The following EPHA5 variants were observed in gnomAD, a reference collection of about 807,000 sequenced individuals.
EPHA5 encodes the protein ephrin type-A receptor 5.
EPHA5 carries 60 observed loss-of-function variants against 105.0 expected under a neutral mutation model. That is an observed-to-expected ratio of 0.57 (90% CI 0.46 to 0.71). EPHA5 has a LOEUF of 0.71. Ranked by LOEUF, EPHA5 falls within the 30% of genes least tolerant of loss-of-function variation. EPHA5 has a pLI of 0.00. For synonymous variants in EPHA5, 513 were observed against 449.1 expected, an observed-to-expected ratio of 1.14 and a Z score of -1.80; for missense variants, 1,218 against 1,274.7, an observed-to-expected ratio of 0.96 and a Z score of 0.68.
intron 2 of EPHA5, among the ~76,000 whole-genome samples, chr4:65,633,924 T>C (rs1315183706): frequency 6.6e-6 from 1 of 152,080 alleles, no homozygotes; most frequent in African/African-American, 2.4e-5. Context: ...GACAAAGTGA[T>C]AAGTGTGGAT....
At chr4:65,615,542 C>G (rs546786685) in intron 2 of EPHA5, among the ~76,000 whole-genome samples, 3 of 151,934 alleles carry the variant, frequency 2.0e-5, no homozygotes, top group Non-Finnish European at 4.4e-5. Context: ...CTATATCTAG[C>G]AAACCTACCT....
intron 1 of EPHA5, among the ~76,000 whole-genome samples, chr4:65,668,159 C>T (rs1750115256): frequency 6.6e-6 from 1 of 152,132 alleles, no homozygotes; most frequent in African/African-American, 2.4e-5. Context: ...AGAGAAAGTT[C>T]ATGGGATGAG....
chr4:65,534,772 A>C (rs1578360992), intron 3 of EPHA5, among the ~76,000 whole-genome samples: 1 of 152,360 alleles, frequency 6.6e-6, no homozygotes, highest in Non-Finnish European at 1.5e-5. Context: ...CTTTGAGTTT[A>C]GATTATTCTA....
At chr4:65,489,483 T>G (rs1310315141) in intron 5 of EPHA5, among the ~76,000 whole-genome samples, 1 of 152,228 alleles carries the variant, frequency 6.6e-6, no homozygotes, top group Non-Finnish European at 1.5e-5. Context: ...CACTTTGGAC[T>G]GAGAGTTGTA....
chr4:65,349,460 C>G (rs553626584), intron 13 of EPHA5, among the ~76,000 whole-genome samples: 1 of 151,978 alleles, frequency 6.6e-6, no homozygotes, highest in East Asian at 1.9e-4. Context: ...AATATTTCAT[C>G]TATCATCAAA....
intron 5 of EPHA5, among the ~76,000 whole-genome samples, chr4:65,427,432 C>G (rs1326412671): frequency 6.6e-6 from 1 of 152,070 alleles, no homozygotes; most frequent in Non-Finnish European, 1.5e-5. Flanking sequence ...CCACCTACCT[C>G]GGCCACCCAA....
chr4:65,462,762 T>C (rs1255014386), intron 5 of EPHA5, among the ~76,000 whole-genome samples: 1 of 152,124 alleles, frequency 6.6e-6, no homozygotes, highest in Admixed American at 6.5e-5. Flanking sequence ...AACACTCCAT[T>C]AAACAAATAA....
chr4:65,387,200 G>A (rs1302948207), intron 8 of EPHA5, among the ~76,000 whole-genome samples: 1 of 151,906 alleles, frequency 6.6e-6, no homozygotes, highest in Non-Finnish European at 1.5e-5. Flanking sequence ...AGGACATTTG[G>A]TTTATACTGA....
intron 3 of EPHA5, among the ~76,000 whole-genome samples, chr4:65,595,994 AT>A (rs1317597044): frequency 2.6e-5 from 4 of 152,138 alleles, no homozygotes; most frequent in Non-Finnish European, 4.4e-5. Flanking sequence ...GACTATATTA[AT>A]TTTTACTCAG....
intron 1 of EPHA5, among the ~76,000 whole-genome samples, chr4:65,660,156 A>T (rs1407143616): frequency 6.6e-6 from 1 of 152,212 alleles, no homozygotes; most frequent in East Asian, 1.9e-4. Context: ...ATTTCTTGAT[A>T]TGATTTGTGG....
chr4:65,664,249 A>C (rs1046452648), intron 1 of EPHA5, among the ~76,000 whole-genome samples: 3 of 151,942 alleles, frequency 2.0e-5, no homozygotes, highest in East Asian at 3.9e-4. Context: ...TATTTAGACT[A>C]GATTTTCAAC....
At chr4:65,386,954 A>G (rs938966420) in intron 8 of EPHA5, among the ~76,000 whole-genome samples, 1 of 147,398 alleles carries the variant, frequency 6.8e-6, no homozygotes, top group Non-Finnish European at 1.5e-5. Flanking sequence ...CCTGCAATAT[A>G]AAAAAAAAAG....
chr4:65,526,730 A>G (rs1735267537), intron 3 of EPHA5, among the ~76,000 whole-genome samples: 1 of 152,046 alleles, frequency 6.6e-6, no homozygotes, highest in African/African-American at 2.4e-5. Flanking sequence ...AACTTTGCAT[A>G]TGTGTAGATT....
chr4:65,521,055 G>A (rs1189845814), intron 3 of EPHA5, among the ~76,000 whole-genome samples: 1 of 152,050 alleles, frequency 6.6e-6, no homozygotes, highest in African/African-American at 2.4e-5. Flanking sequence ...AAATCATGCT[G>A]CTATAAAGAC....
intron 2 of EPHA5, among the ~76,000 whole-genome samples, chr4:65,627,357 T>G (rs963136310): frequency 6.6e-6 from 1 of 152,354 alleles, no homozygotes; most frequent in Admixed American, 6.5e-5. Context: ...AAGTTTAGTA[T>G]AATGCTGCAA....
At position 65,320,679 on chromosome 4, in the gene EPHA5, A is replaced by G. The variant is rs989285103; in HGVS notation, c.*3435T>C. On this transcript the variant is annotated 3_prime_UTR_variant, in exon 17 of 17. Transcript: ENST00000613740. ...TTTTACTTTCACATACAGATTAAGT[A>G]GAAGACATGAAAACACATAAGTGCT... 1 of 229,978 alleles carries G rather than the reference A, an allele frequency of 4.3e-6. No homozygotes were observed. The highest frequency in any genetic ancestry group is 2.2e-5 in the African/African-American group (1 of 45,142). The allele number at this position is 229,978 out of a possible 1,614,324, so 14.2% of individuals were successfully genotyped here. A position where few individuals can be genotyped will look rare whatever the true frequency, so the allele number is the denominator to read the frequency against.
chr4:65,376,939 C>A, intron 8 of EPHA5: 2 of 1,422,890 alleles, frequency 1.4e-6, no homozygotes, highest in East Asian at 2.4e-5. Flanking sequence ...AAAGGAATGC[C>A]GACGGTAATA....
chr4:65,445,670 T>C (rs1173505282), intron 5 of EPHA5, among the ~76,000 whole-genome samples: 1 of 152,202 alleles, frequency 6.6e-6, no homozygotes, highest in Non-Finnish European at 1.5e-5. Flanking sequence ...GTTCCATACC[T>C]TTACTTGGTG....
intron 3 of EPHA5, among the ~76,000 whole-genome samples, chr4:65,551,054 T>C (rs1339382191): frequency 2.0e-5 from 3 of 151,914 alleles, no homozygotes; most frequent in African/African-American, 7.2e-5. Flanking sequence ...ATATGTGTAG[T>C]TACATATTTG....
Sources: allele counts gnomAD v4.1 joint callset (sites outside exome capture counted in the v4.1 genomes callset), GRCh38; gene constraint gnomAD v4.1.1; transcripts MANE v1.5; gene names NCBI Gene and HGNC (gene_info 2026-07-23, HGNC 2026-07-21).